PXN: variants seen among roughly 807,000 people sequenced by gnomAD.
PXN encodes the protein paxillin.
Under a neutral mutation model 103.6 loss-of-function variants are expected in PXN, and 61 were observed. The observed-to-expected ratio is 0.59, with a 90% CI of 0.48 to 0.73. The LOEUF (loss-of-function observed/expected upper bound fraction) is 0.73. PXN is among the 30% of genes least tolerant of loss of function. PXN has a pLI of 0.00. For missense variants in PXN, 1,274 were observed against 1,460.3 expected, an observed-to-expected ratio of 0.87 and a Z score of 2.08; for synonymous variants, 562 against 607.8, an observed-to-expected ratio of 0.92 and a Z score of 1.11.
rs1167705401 is a variant in PXN at position 120,229,735 on chromosome 12, G to A, written c.14-5358C>T. 1.3e-5 allele frequency among the ~76,000 whole-genome samples: 2 copies of A among 152,170 alleles called. No homozygotes were observed. Among genetic ancestry groups the A allele is most frequent in the Non-Finnish European group, 2.9e-5 (2 of 68,020 alleles). ...CCAGGGAGGTGTTAAGCCCTAGGAG[G>A]GGAAAGAAATCACCTCCCCGTCCTA... On this transcript the variant is annotated intron_variant, in intron 1 of 14. Transcript: ENST00000637617. The surrounding 1 kb of genome is among the most constrained non-coding windows in gnomAD (Gnocchi z 4.0).
chr12:120,241,690 G>A (rs910496135), intron 1 of PXN, among the ~76,000 whole-genome samples: 13 of 152,240 alleles, frequency 8.5e-5, no homozygotes, highest in Non-Finnish European at 1.8e-4. Flanking sequence ...AAAACAGCCT[G>A]GGAAAGTGCC....
At position 120,214,982 on chromosome 12, in the gene PXN, C is replaced by G; in HGVS notation, c.2591G>C (p.Gly864Ala). The change falls in exon 12 of 15, where the codon GGG becomes GCG. Residue 864 changes from glycine (G) to alanine (A), a missense_variant. By Grantham distance (60) the Gly-to-Ala change is moderately conservative. Coordinates refer to ENST00000637617, the MANE Select transcript of PXN (RefSeq NM_001385981.1). The surrounding 1 kb of genome is among the most constrained non-coding windows in gnomAD (Gnocchi z 5.0). ...GAAGTGCTCGGGGTGCCACGTCTTC[C>G]CCATGGCGGTCACAACCTGAGGAGG... ...PIAGQVVTAM[G>A]KTWHPEHFVC... 1 of 1,613,692 alleles carries G rather than the reference C, an allele frequency of 6.2e-7. No individual in the cohort carries two copies. The highest frequency in any genetic ancestry group is 1.1e-5 in the South Asian group (1 of 91,032).
At chr12:120,255,823 A>C (rs1892914992) in intron 1 of PXN, among the ~76,000 whole-genome samples, 1 of 152,042 alleles carries the variant, frequency 6.6e-6, no homozygotes, top group South Asian at 2.1e-4. Context: ...AGGTGGGCGG[A>C]TTACCTGAGC....
rs1054253174 is a variant in PXN at position 120,228,986 on chromosome 12, G to T, written c.14-4609C>A. Among the ~76,000 whole-genome samples, 1 of 152,130 alleles carries T rather than the reference G, an allele frequency of 6.6e-6. No homozygotes were observed. The highest frequency in any genetic ancestry group is 1.5e-5 in the Non-Finnish European group (1 of 68,010). On this transcript the variant is annotated intron_variant, in intron 1 of 14. Transcript: ENST00000637617. The surrounding 1 kb of genome is among the most constrained non-coding windows in gnomAD (Gnocchi z 4.7). ...CTGACTGAGCGTAATCCTTACAACC[G>T]GTGGGAGCCGCTGGAGGGTTAAGGT...
In PXN at chr12:120,224,768, C is replaced by G. The variant is rs890635588; in HGVS notation, c.14-391G>C. On this transcript the variant is annotated intron_variant, in intron 1 of 14. Transcript: ENST00000637617. This position sits in a 1 kb window ranked among gnomAD's most constrained non-coding sequence, Gnocchi z 5.0. ...GAGAGAATGGGCGGGAGGGGCCCCA[C>G]GTCACAGGGAGGGGCCCTGGCTATG... 2.1e-6 allele frequency: 1 copy of G among 481,412 alleles called. No homozygotes were observed. Among genetic ancestry groups the G allele is most frequent in the South Asian group, 1.5e-5 (1 of 64,786 alleles). 29.8% of individuals were successfully genotyped at this position (481,412 alleles called of 1,614,324 possible).
intron 1 of PXN, among the ~76,000 whole-genome samples, chr12:120,258,758 T>C (rs189686531): frequency 9.9e-4 from 150 of 152,270 alleles, no homozygotes; most frequent in African/African-American, 3.4e-3. Context: ...TTTTTCATTA[T>C]ATCATTTAAA....
At position 120,215,097 on chromosome 12, in the gene PXN, C is replaced by T. The variant is rs1478887424; in HGVS notation, c.2574+6G>A. ...GGCCACACCCCTGCCCACTCCCCCT[C>T]ATCACCTGCCCGGCGATGGGCTTCT... On this transcript the variant is annotated splice_donor_region_variant and intron_variant, in intron 11 of 14. Transcript: ENST00000637617. The surrounding 1 kb of genome is among the most constrained non-coding windows in gnomAD (Gnocchi z 4.9). The T allele has an allele frequency of 6.3e-7, 1 of 1,583,172 alleles. No homozygotes were observed. Among genetic ancestry groups the T allele is most frequent in the East Asian group, 2.2e-5 (1 of 44,510 alleles).
Position 120,265,544 on chromosome 12 carries a change from G to A in PXN, c.13+73C>T. 2.8e-6 allele frequency: 4 copies of A among 1,449,938 alleles called. No individual in the cohort carries two copies. The highest frequency in any genetic ancestry group is 3.6e-6 in the Non-Finnish European group (4 of 1,105,334). The allele number at this position is 1,449,938 out of a possible 1,614,324, so 89.8% of individuals were successfully genotyped here. ...AGGGTGGGATCCCGCGGCCCCTGCC[G>A]CTCGCTGGCGCCCTCCTGGCCCCAA... On this transcript the variant is annotated intron_variant, in intron 1 of 14. Coordinates refer to ENST00000637617, the MANE Select transcript of PXN (RefSeq NM_001385981.1). This position sits in a 1 kb window ranked among gnomAD's most constrained non-coding sequence, Gnocchi z 5.7.
At chr12:120,247,020 T>C (rs1891285044) in intron 1 of PXN, among the ~76,000 whole-genome samples, 1 of 151,622 alleles carries the variant, frequency 6.6e-6, no homozygotes, top group South Asian at 2.1e-4. Flanking sequence ...AGCAAGACCC[T>C]GTCTCTATAA....
chr12:120,253,612 C>T (rs959635745), intron 1 of PXN, among the ~76,000 whole-genome samples: 2 of 152,236 alleles, frequency 1.3e-5, no homozygotes, highest in African/African-American at 4.8e-5. Context: ...TTCAGTTTAG[C>T]TTCCTCTGAA....
Position 120,212,651 on chromosome 12 carries a change from A to G in PXN, c.2980-71T>C. Reference sequence around the variant, plus strand: ...AGCTGCACCCTGTGTGATGGGGCCGAGGTGGGCATAGTCGGCACGCTCGGA... The same window carrying G: ...AGCTGCACCCTGTGTGATGGGGCCGGGGTGGGCATAGTCGGCACGCTCGGA... On this transcript the variant is annotated intron_variant, in intron 14 of 14. Coordinates refer to ENST00000637617, the MANE Select transcript of PXN (RefSeq NM_001385981.1). The surrounding 1 kb of genome is among the most constrained non-coding windows in gnomAD (Gnocchi z 7.2). The G allele has an allele frequency of 6.5e-7, 1 of 1,547,666 alleles. No individual in the cohort carries two copies. Among genetic ancestry groups the G allele is most frequent in the South Asian group, 1.2e-5 (1 of 83,294 alleles).
chr12:120,215,112 G>A lies in PXN; in HGVS notation c.2565C>T (p.Ile855=), dbSNP rs35297492. The change falls in exon 11 of 15, where the codon ATC becomes ATT. Residue 855 remains isoleucine, a synonymous_variant. Coordinates refer to ENST00000637617, the MANE Select transcript of PXN (RefSeq NM_001385981.1). This position sits in a 1 kb window ranked among gnomAD's most constrained non-coding sequence, Gnocchi z 4.9. Reference sequence around the variant, plus strand: ...CACTCCCCCTCATCACCTGCCCGGCGATGGGCTTCTTGCAGGCCCCGCAGA... The same window carrying A: ...CACTCCCCCTCATCACCTGCCCGGCAATGGGCTTCTTGCAGGCCCCGCAGA... The part of the protein sequence containing the change: ...KGVCGACKKP[I]AGQVVTAMGK... 4.8e-4 allele frequency: 762 copies of A among 1,578,210 alleles called. 2 individuals carry two copies. In the African/African-American group the frequency reaches 7.0e-3, roughly 15 times the overall value.
chr12:120,223,939 C>T, intron 2 of PXN, 106 bp from the exon 3 acceptor site: 6 of 949,686 alleles, frequency 6.3e-6, no homozygotes, highest in Non-Finnish European at 7.9e-6. Context: ...CAGCCAGTCT[C>T]ACCAGGGAAT....
chr12:120,248,492 T>TCACACA (rs3221954), intron 1 of PXN, among the ~76,000 whole-genome samples: 2,261 of 127,912 alleles, frequency 0.018, 54 homozygotes, highest in African/African-American at 0.054. Context: ...CAGATGACTT[T>TCACACA]CACACACACA....
Position 120,265,461 on chromosome 12 carries a change from G to C in PXN, c.13+156C>G, listed in dbSNP as rs2136772973. Among the ~76,000 whole-genome samples, 1 of 152,072 alleles carries C rather than the reference G, an allele frequency of 6.6e-6. No individual in the cohort carries two copies. The highest frequency in any genetic ancestry group is 2.0e-4 in the East Asian group (1 of 5,122). ...GGCCCGAGACTAAGGCCCGGTTAGGGATCCCAGCCCCGCGGAGCCCCGGCC... is the reference window on the plus strand; with the variant it reads ...GGCCCGAGACTAAGGCCCGGTTAGGCATCCCAGCCCCGCGGAGCCCCGGCC... On this transcript the variant is annotated intron_variant, in intron 1 of 14. Coordinates refer to ENST00000637617, the MANE Select transcript of PXN (RefSeq NM_001385981.1). This position sits in a 1 kb window ranked among gnomAD's most constrained non-coding sequence, Gnocchi z 5.7.
intron 1 of PXN, among the ~76,000 whole-genome samples, chr12:120,248,238 C>T (rs571274789): frequency 6.6e-6 from 1 of 152,180 alleles, no homozygotes; most frequent in South Asian, 2.1e-4. Context: ...CCTTTGCTCA[C>T]GGTAGAAGAG....
At chr12:120,240,834 G>A (rs747834040) in intron 1 of PXN, among the ~76,000 whole-genome samples, 7 of 152,204 alleles carry the variant, frequency 4.6e-5, no homozygotes, top group Admixed American at 6.5e-5. Flanking sequence ...CAGAGGCCCT[G>A]AGTGTCAGGC....
At position 120,216,151 on chromosome 12, in the gene PXN, T is replaced by G; in HGVS notation, c.2301+122A>C. On this transcript the variant is annotated intron_variant, in intron 9 of 14. Coordinates refer to ENST00000637617, the MANE Select transcript of PXN (RefSeq NM_001385981.1). The surrounding 1 kb of genome is among the most constrained non-coding windows in gnomAD (Gnocchi z 5.1). ...AGGACTGTGGTTACTGTGCTGGGGC[T>G]TGTAGATGGAGGGATGGAGGGTATC... 1 of 1,268,908 alleles carries G rather than the reference T, an allele frequency of 7.9e-7. No homozygotes were observed. The highest frequency in any genetic ancestry group is 9.9e-7 in the Non-Finnish European group (1 of 1,009,638). The allele number at this position is 1,268,908 out of a possible 1,614,324, so 78.6% of individuals were successfully genotyped here.
chr12:120,220,684 G>T lies in PXN; in HGVS notation c.832-593C>A, dbSNP rs1566378294. Among the ~76,000 whole-genome samples, 2 of 152,154 alleles carry T rather than the reference G, an allele frequency of 1.3e-5. No homozygotes were observed. The highest frequency in any genetic ancestry group is 4.1e-4 in the South Asian group (2 of 4,830). ...ATCCAACTTACTTGCTTCTGACCAT[G>T]GCTGCTCAGAACCACTGGCCTGGAG... On this transcript the variant is annotated intron_variant, in intron 6 of 14. Coordinates refer to ENST00000637617, the MANE Select transcript of PXN (RefSeq NM_001385981.1). This position sits in a 1 kb window ranked among gnomAD's most constrained non-coding sequence, Gnocchi z 6.1.
Sources: allele counts gnomAD v4.1 joint callset (sites outside exome capture counted in the v4.1 genomes callset), GRCh38; gene constraint gnomAD v4.1.1; non-coding constraint Gnocchi (gnomAD v3.1); transcripts MANE v1.5; gene names NCBI Gene and HGNC (gene_info 2026-07-23, HGNC 2026-07-21).